Variants in WDR64 observed in about 807,000 individuals in gnomAD.
The protein encoded by WDR64 is WD repeat domain 64.
A neutral mutation model predicts 139.3 loss-of-function variants in WDR64; 112 were observed. That is an observed-to-expected ratio of 0.80 (90% CI 0.69 to 0.94). WDR64 has a LOEUF of 0.94. Among genes scored for constraint, WDR64 ranks in the 40% least tolerant of loss-of-function variants. The pLI is 0.00. For synonymous variants in WDR64, 444 were observed against 437.7 expected (o/e 1.01, Z -0.18); for missense variants, 1,206 against 1,293.1 (o/e 0.93, Z 1.03).
intron 15 of WDR64, among the ~76,000 whole-genome samples, chr1:241,760,369 T>TA (rs1460801219): frequency 6.6e-6 from 1 of 150,900 alleles, no homozygotes; most frequent in Non-Finnish European, 1.5e-5. Context: ...GAAAAAGACT[T>TA]ACGATTATTC....
intron 9 of WDR64, among the ~76,000 whole-genome samples, chr1:241,713,022 C>T (rs1008257809): frequency 6.6e-6 from 1 of 151,430 alleles, no homozygotes; most frequent in Admixed American, 6.6e-5. Context: ...GAAAATAACA[C>T]CTGGACAGGC....
intron 15 of WDR64, among the ~76,000 whole-genome samples, chr1:241,762,568 T>G (rs1374726276): frequency 6.6e-6 from 1 of 152,144 alleles, no homozygotes; most frequent in Non-Finnish European, 1.5e-5. Flanking sequence ...TGATTTACTC[T>G]AATATTATAG....
chr1:241,735,841 CTCTCTCTCTCTCTCTG>C (rs1669293528), intron 10 of WDR64, among the ~76,000 whole-genome samples: 7 of 114,992 alleles, frequency 6.1e-5, no homozygotes, highest in African/African-American at 2.2e-4. Flanking sequence ...CTCTCTCTCT[CTCTCTCTCTCTCTCTG>C]TGTGTGTGTG....
intron 10 of WDR64, among the ~76,000 whole-genome samples, chr1:241,735,533 C>CTCCCTTTTTTTTTTTT: frequency 9.7e-6 from 1 of 103,514 alleles, no homozygotes; most frequent in Admixed American, 1.1e-4. Context: ...CTCTCTCTCT[C>CTCCCTTTTTTTTTTTT]TTTTTTTTTT....
chr1:241,763,052 A>T (rs2148286972), intron 15 of WDR64, among the ~76,000 whole-genome samples: 1 of 152,328 alleles, frequency 6.6e-6, no homozygotes, highest in Non-Finnish European at 1.5e-5. Context: ...GTCCTCGTAG[A>T]CCAATTCTAG....
intron 8 of WDR64, among the ~76,000 whole-genome samples, chr1:241,711,280 A>T (rs1668156402): frequency 6.6e-6 from 1 of 151,746 alleles, no homozygotes; most frequent in African/African-American, 2.4e-5. Context: ...TTACCAGTTT[A>T]TTGCAGTAGT....
At chr1:241,669,421 A>G (rs73139095) in intron 2 of WDR64, among the ~76,000 whole-genome samples, 10,552 of 152,310 alleles carry the variant, frequency 0.069, 471 homozygotes, top group East Asian at 0.19. Context: ...ACTCCAACAT[A>G]GATCTATTAA....
intron 8 of WDR64, among the ~76,000 whole-genome samples, chr1:241,690,183 A>G (rs1232213249): frequency 6.6e-6 from 1 of 152,132 alleles, no homozygotes; most frequent in Non-Finnish European, 1.5e-5. Context: ...AACATAAAGA[A>G]AAAAACTGGC....
chr1:241,734,944 T>A (rs1262163914), intron 10 of WDR64, among the ~76,000 whole-genome samples: 1 of 152,200 alleles, frequency 6.6e-6, no homozygotes, highest in Non-Finnish European at 1.5e-5. Context: ...TCTCAGAACA[T>A]ACCCCTGTCC....
At chr1:241,759,021 C>T (rs532390566) in intron 15 of WDR64, among the ~76,000 whole-genome samples, 12 of 151,994 alleles carry the variant, frequency 7.9e-5, no homozygotes, top group East Asian at 1.9e-4. Context: ...ATCTTTCTCT[C>T]GGAAAATTTT....
intron 1 of WDR64, among the ~76,000 whole-genome samples, chr1:241,653,533 CT>C: frequency 8.9e-6 from 1 of 111,936 alleles, no homozygotes; most frequent in Non-Finnish European, 2.0e-5. Flanking sequence ...AAATTCTTTT[CT>C]TTTCTTTTCT....
intron 8 of WDR64, among the ~76,000 whole-genome samples, chr1:241,698,295 C>G (rs956497574): frequency 6.6e-6 from 1 of 152,136 alleles, no homozygotes; most frequent in African/African-American, 2.4e-5. Flanking sequence ...TCCCACAAAC[C>G]AGTAATCACC....
At chr1:241,799,437 G>T (rs1280696607) in intron 27 of WDR64, among the ~76,000 whole-genome samples, 1 of 150,808 alleles carries the variant, frequency 6.6e-6, no homozygotes, top group African/African-American at 2.4e-5. Context: ...TAGGTGAAAA[G>T]AATATATAAA....
intron 14 of WDR64, among the ~76,000 whole-genome samples, chr1:241,755,803 A>G (rs965003039): frequency 5.3e-5 from 8 of 152,284 alleles, no homozygotes; most frequent in African/African-American, 1.9e-4. Flanking sequence ...TCCCAGCACC[A>G]TTTATTAAAT....
At chr1:241,718,830 GGA>G (rs1358571445) in intron 9 of WDR64, among the ~76,000 whole-genome samples, 2 of 152,088 alleles carry the variant, frequency 1.3e-5, no homozygotes, top group African/African-American at 4.8e-5. Context: ...CAAATGGCAG[GGA>G]GAGAGAGGGG....
intron 8 of WDR64, among the ~76,000 whole-genome samples, chr1:241,699,291 G>A (rs1667615012): frequency 6.6e-6 from 1 of 152,086 alleles, no homozygotes. Flanking sequence ...TTCACTTTCT[G>A]ATTACTCCAT....
chr1:241,694,223 A>G (rs1051756459), intron 8 of WDR64, among the ~76,000 whole-genome samples: 4 of 152,340 alleles, frequency 2.6e-5, no homozygotes, highest in African/African-American at 9.6e-5. Context: ...TTAATGGAAG[A>G]ACAGCATATC....
chr1:241,778,512 A>G (rs778750987), intron 21 of WDR64, among the ~76,000 whole-genome samples: 1 of 152,164 alleles, frequency 6.6e-6, no homozygotes, highest in Non-Finnish European at 1.5e-5. Context: ...TTGATTATTG[A>G]CATAGTTGAA....
intron 16 of WDR64, 49 bp from the exon 17 acceptor site, chr1:241,769,355 C>T: frequency 7.1e-7 from 1 of 1,415,950 alleles, no homozygotes; most frequent in Non-Finnish European, 9.7e-7. Context: ...GTACTGTAAG[C>T]TCCATAATTT....
Sources: gnomAD v4.1 joint callset for allele counts (sites outside exome capture counted in the v4.1 genomes callset) on GRCh38, gnomAD v4.1.1 for gene constraint, MANE v1.5 for transcripts, NCBI Gene and HGNC (gene_info 2026-07-23, HGNC 2026-07-21) for gene names.